Variants in ERI3 observed in about 807,000 individuals in gnomAD.
The protein encoded by ERI3 is ERI1 exoribonuclease family member 3.
A neutral mutation model predicts 44.4 loss-of-function variants in ERI3; 18 were observed. The ratio of observed to expected loss-of-function variants is 0.41; its 90% CI spans 0.28 to 0.60. The LOEUF (loss-of-function observed/expected upper bound fraction) is 0.60. ERI3 is among the 20% of genes least tolerant of loss of function. ERI3 has a pLI of 0.36. For missense variants in ERI3, 294 were observed against 435.5 expected, an observed-to-expected ratio of 0.68 and a Z score of 2.89; for synonymous variants, 183 against 164.8, an observed-to-expected ratio of 1.11 and a Z score of -0.84.
At chr1:44,338,261 T>C (rs1004368514) in intron 3 of ERI3, among the ~76,000 whole-genome samples, 2 of 152,248 alleles carry the variant, frequency 1.3e-5, no homozygotes, top group African/African-American at 4.8e-5. Context: ...TCCCTCACAG[T>C]TCCTGTGAGT....
intron 6 of ERI3, among the ~76,000 whole-genome samples, chr1:44,301,775 A>C (rs978000682): frequency 1.3e-5 from 2 of 152,160 alleles, no homozygotes; most frequent in Non-Finnish European, 2.9e-5. Flanking sequence ...AAAAAGAGAA[A>C]TTGGGGCCTT....
chr1:44,305,248 T>C (rs1385929150), intron 6 of ERI3, among the ~76,000 whole-genome samples: 1 of 152,182 alleles, frequency 6.6e-6, no homozygotes, highest in Non-Finnish European at 1.5e-5. Flanking sequence ...CAGGCTAAAA[T>C]CTAAGTTCCT....
intron 5 of ERI3, among the ~76,000 whole-genome samples, 188 bp downstream of exon 5, chr1:44,312,981 G>A (rs1326437913): frequency 2.6e-5 from 4 of 152,250 alleles, no homozygotes; most frequent in South Asian, 4.1e-4. Context: ...AAACCCTGAC[G>A]GGAACAGCTG....
chr1:44,318,871 T>C (rs1646143414), intron 4 of ERI3, among the ~76,000 whole-genome samples: 1 of 152,258 alleles, frequency 6.6e-6, no homozygotes, highest in Admixed American at 6.5e-5. Flanking sequence ...CCACAGCCTG[T>C]TGGCCACCAC....
At chr1:44,251,243 A>G (rs557170010) in intron 7 of ERI3, among the ~76,000 whole-genome samples, 21 of 152,312 alleles carry the variant, frequency 1.4e-4, no homozygotes, top group African/African-American at 5.1e-4. Flanking sequence ...TTTAAAGCCC[A>G]TGCCTCTCCC....
chr1:44,221,657 A>G lies in ERI3; in HGVS notation c.932-17T>C, dbSNP rs752738785. The G allele has an allele frequency of 6.2e-7, 1 of 1,607,930 alleles. No individual in the cohort carries two copies. The highest frequency in any genetic ancestry group is 1.1e-5 in the South Asian group (1 of 90,960). ...TGCAGTCGTCTAAAAAGGAGAGAAG[A>G]CATTTAGATCAGCCCCAGATCCTTC... On this transcript the variant is annotated splice_polypyrimidine_tract_variant and intron_variant, in intron 8 of 8. Coordinates refer to ENST00000372257, the MANE Select transcript of ERI3 (RefSeq NM_024066.3). The surrounding 1 kb of genome is among the most constrained non-coding windows in gnomAD (Gnocchi z 5.9).
intron 6 of ERI3, among the ~76,000 whole-genome samples, chr1:44,301,004 C>T (rs1393737576): frequency 6.9e-6 from 1 of 145,284 alleles, no homozygotes; most frequent in East Asian, 2.3e-4. Context: ...GCAAGCCTGC[C>T]ATGATGTATT....
intron 6 of ERI3, among the ~76,000 whole-genome samples, chr1:44,295,911 A>G (rs2154325624): frequency 6.6e-6 from 1 of 152,324 alleles, no homozygotes; most frequent in South Asian, 2.1e-4. Context: ...TAGCCTGTAA[A>G]GGAATCACTA....
At position 44,355,005 on chromosome 1, in the gene ERI3, C is replaced by A; in HGVS notation, c.22G>T (p.Ala8Ser). 7.2e-7 allele frequency: 1 copy of A among 1,386,864 alleles called. No individual in the cohort carries two copies. The highest frequency in any genetic ancestry group is 9.4e-7 in the Non-Finnish European group (1 of 1,065,374). 85.9% of individuals were successfully genotyped at this position (1,386,864 alleles called of 1,614,324 possible). A position where few individuals can be genotyped will look rare whatever the true frequency, so the allele number is the denominator to read the frequency against. The change falls in exon 1 of 9, where the codon GCT (alanine) becomes TCT (serine). Residue 8 changes from alanine (A) to serine (S), a missense_variant. This residue lies in a region of ERI3 where 107 missense variants were observed against 96.9 expected (regional missense o/e 1.10). Coordinates refer to ENST00000372257, the MANE Select transcript of ERI3 (RefSeq NM_024066.3). ...CAGGGCCGCCCCCGCCCCCCGTCAG[C>A]AGCGGGAGAGGCTGTCGCCATGGCA... MATASPA[A>S]DGGRGRPWEG... is the part of the protein sequence containing the mutation.
chr1:44,262,631 G>C (rs945407388), intron 7 of ERI3, among the ~76,000 whole-genome samples: 1 of 152,210 alleles, frequency 6.6e-6, no homozygotes, highest in Non-Finnish European at 1.5e-5. Flanking sequence ...CAGTGGGGAT[G>C]GCACAGGCAG....
chr1:44,311,340 A>G (rs1645968689), intron 5 of ERI3, among the ~76,000 whole-genome samples: 1 of 152,092 alleles, frequency 6.6e-6, no homozygotes. Context: ...ACCATGAGTC[A>G]GGTAAACATC....
At chr1:44,280,861 C>G (rs539097932) in intron 7 of ERI3, among the ~76,000 whole-genome samples, 4 of 152,352 alleles carry the variant, frequency 2.6e-5, no homozygotes, top group Admixed American at 2.0e-4. Context: ...TCTCATGCCA[C>G]TCTCCTTTTG....
intron 6 of ERI3, among the ~76,000 whole-genome samples, chr1:44,287,180 G>A (rs1262277465): frequency 2.0e-5 from 3 of 152,232 alleles, no homozygotes; most frequent in Non-Finnish European, 4.4e-5. Flanking sequence ...ATTTAGTAAC[G>A]AGGAGGTCAC....
At chr1:44,310,957 GCGCGCGCACACACACACA>G (rs1426889415) in intron 5 of ERI3, among the ~76,000 whole-genome samples, 193 of 76,738 alleles carry the variant, frequency 2.5e-3, no homozygotes, top group African/African-American at 9.1e-3. Flanking sequence ...CACATCGCGC[GCGCGCGCACACACACACA>G]CACACACACA....
chr1:44,272,368 C>G (rs1645104355), intron 7 of ERI3, among the ~76,000 whole-genome samples: 1 of 152,162 alleles, frequency 6.6e-6, no homozygotes, highest in Non-Finnish European at 1.5e-5. Flanking sequence ...TATTAGAAAT[C>G]CAAGCCAGAC....
intron 2 of ERI3, among the ~76,000 whole-genome samples, chr1:44,352,192 T>C (rs746248898): frequency 9.9e-5 from 15 of 152,200 alleles, no homozygotes; most frequent in Non-Finnish European, 2.1e-4. Flanking sequence ...TCCCTGATCC[T>C]TGTAAAACAG....
chr1:44,245,401 C>G (rs371818661), intron 8 of ERI3, among the ~76,000 whole-genome samples: 1 of 152,140 alleles, frequency 6.6e-6, no homozygotes. Flanking sequence ...CCTGGGGAGC[C>G]GCTGGTGCTG....
intron 7 of ERI3, among the ~76,000 whole-genome samples, chr1:44,248,409 A>G (rs1644599535): frequency 6.6e-6 from 1 of 152,020 alleles, no homozygotes. Context: ...AGCCCCCAGC[A>G]CTTTGCTGGG....
chr1:44,234,260 A>G (rs558413958), intron 8 of ERI3, among the ~76,000 whole-genome samples: 1 of 152,256 alleles, frequency 6.6e-6, no homozygotes, highest in Non-Finnish European at 1.5e-5. Context: ...CCCATTACCA[A>G]CATCCTGGTC....
Sources: allele counts gnomAD v4.1 joint callset (sites outside exome capture counted in the v4.1 genomes callset), GRCh38; gene constraint gnomAD v4.1.1; regional missense constraint gnomAD v4.1.1; non-coding constraint Gnocchi (gnomAD v3.1); transcripts MANE v1.5; gene names NCBI Gene and HGNC (gene_info 2026-07-23, HGNC 2026-07-21).